PDE6C: variants seen among roughly 807,000 people sequenced by gnomAD.
The protein encoded by PDE6C is phosphodiesterase 6C.
A neutral mutation model predicts 113.1 loss-of-function variants in PDE6C; 75 were observed. The observed-to-expected ratio is 0.66, with a 90% CI of 0.55 to 0.80. The LOEUF is 0.80. Ranked by LOEUF, PDE6C falls within the 30% of genes least tolerant of loss-of-function variation. The pLI is 0.00. For missense variants in PDE6C, 912 were observed against 1,038.6 expected (o/e 0.88, Z 1.67); for synonymous variants, 375 against 363.7 (o/e 1.03, Z -0.35).
intron 14 of PDE6C, among the ~76,000 whole-genome samples, chr10:93,642,630 G>C (rs2058565280): frequency 6.6e-6 from 1 of 152,054 alleles, no homozygotes; most frequent in Admixed American, 6.6e-5. Context: ...TCTTGGTTGG[G>C]GGATCTTGGA....
chr10:93,655,894 A>C (rs879547360), intron 16 of PDE6C, 34 bp downstream of exon 16: 2 of 1,056,968 alleles, frequency 1.9e-6, no homozygotes, highest in Non-Finnish European at 3.0e-6. Flanking sequence ...GGAATGCCCT[A>C]TACTCTGTGT....
rs1346022909 is a variant in PDE6C, at chr10:93,635,505, A to G, written c.1278A>G (p.Thr426=). The change falls in exon 10 of 22, where the codon ACA becomes ACG. Residue 426 remains threonine, a synonymous_variant. Coordinates refer to ENST00000371447, the MANE Select transcript of PDE6C (RefSeq NM_006204.4). The part of the protein sequence containing the change: ...EHDEYITETL[T]QFLGWSLLNT... The stretch of plus-strand genomic sequence containing the variant: ...CCTTTTATCCATTTCAGACTCTCAC[A>G]CAATTTCTTGGATGGTCTCTTTTAA... 3.1e-6 allele frequency: 5 copies of G among 1,611,588 alleles called. No homozygotes were observed. In the African/African-American group the frequency reaches 5.3e-5, roughly 17 times the overall value.
Position 93,640,867 on chromosome 10 carries a change from G to A in PDE6C, c.1738-53G>A, listed in dbSNP as rs759747893. 3 of 1,139,636 alleles carry A rather than the reference G, an allele frequency of 2.6e-6. No homozygotes were observed. The Admixed American group carries it at 5.2e-5, about 20-fold the overall frequency. 70.6% of individuals were successfully genotyped at this position (1,139,636 alleles called of 1,614,324 possible). Reference sequence around the variant, plus strand: ...TATTGCAGGCTGCACTTGGTATAGAGGTATATTAATTCAAATAAATTATAG... The same window carrying A: ...TATTGCAGGCTGCACTTGGTATAGAAGTATATTAATTCAAATAAATTATAG... On this transcript the variant is annotated intron_variant, in intron 13 of 21. Coordinates refer to ENST00000371447, the MANE Select transcript of PDE6C (RefSeq NM_006204.4).
chr10:93,649,586 A>G (rs2422325), intron 15 of PDE6C, among the ~76,000 whole-genome samples: 70,526 of 151,990 alleles, frequency 0.46, 17,335 homozygotes, highest in Non-Finnish European at 0.54. Flanking sequence ...TGAAGTATAT[A>G]TACAATAAAC....
Position 93,665,341 on chromosome 10 carries a change from C to T in PDE6C, c.2519-19C>T. 2 of 1,591,324 alleles carry T rather than the reference C, an allele frequency of 1.3e-6. No individual in the cohort carries two copies. Among genetic ancestry groups the T allele is most frequent in the Non-Finnish European group, 1.7e-6 (2 of 1,159,500 alleles). The stretch of plus-strand genomic sequence containing the variant: ...TATCCACTAACTCCTAATAATATTG[C>T]TTTCCTTGATTTTACTAGCTGCTGA... On this transcript the variant is annotated intron_variant, in intron 21 of 21. Coordinates refer to ENST00000371447, the MANE Select transcript of PDE6C (RefSeq NM_006204.4).
At chr10:93,647,162 TAAG>T (rs2058588742) in intron 15 of PDE6C, among the ~76,000 whole-genome samples, 1 of 152,178 alleles carries the variant, frequency 6.6e-6, no homozygotes, top group Non-Finnish European at 1.5e-5. Flanking sequence ...TATACTTTCT[TAAG>T]AACGTTCCAA....
intron 14 of PDE6C, among the ~76,000 whole-genome samples, chr10:93,644,393 G>A (rs2058573359): frequency 6.6e-6 from 1 of 151,980 alleles, no homozygotes; most frequent in African/African-American, 2.4e-5. Flanking sequence ...CTAGAATTGA[G>A]CTTTTTCATT....
Position 93,650,067 on chromosome 10 carries a change from G to A in PDE6C, c.1935+4020G>A, listed in dbSNP as rs560621665. ...CCACTGTCCACTCCCAGCCCTAGGCGGCAACCTTTGAAATGTTTTCAGTTG... is the reference window on the plus strand; with the variant it reads ...CCACTGTCCACTCCCAGCCCTAGGCAGCAACCTTTGAAATGTTTTCAGTTG... On this transcript the variant is annotated intron_variant, in intron 15 of 21. Coordinates refer to ENST00000371447, the MANE Select transcript of PDE6C (RefSeq NM_006204.4). 5.9e-5 allele frequency among the ~76,000 whole-genome samples: 9 copies of A among 152,202 alleles called. No individual in the cohort carries two copies. The South Asian group carries it at 6.2e-4, about 11-fold the overall frequency.
At chr10:93,619,468 C>A (rs1006265222) in intron 1 of PDE6C, among the ~76,000 whole-genome samples, 1 of 151,814 alleles carries the variant, frequency 6.6e-6, no homozygotes, top group Non-Finnish European at 1.5e-5. Flanking sequence ...CTCTTGTTGC[C>A]CAGGCTGGAG....
chr10:93,664,956 C>T (rs2058683113), intron 21 of PDE6C, among the ~76,000 whole-genome samples: 1 of 152,182 alleles, frequency 6.6e-6, no homozygotes, highest in South Asian at 2.1e-4. Context: ...GCAACCTGTG[C>T]CTCCCAGATT....
intron 1 of PDE6C, among the ~76,000 whole-genome samples, chr10:93,618,366 A>AC (rs2058430026): frequency 6.6e-6 from 1 of 152,084 alleles, no homozygotes; most frequent in Admixed American, 6.6e-5. Context: ...TGGAAGCATT[A>AC]CCCCTATTTT....
intron 16 of PDE6C, among the ~76,000 whole-genome samples, chr10:93,657,365 G>A (rs1354063333): frequency 1.0e-5 from 1 of 97,998 alleles, no homozygotes; most frequent in African/African-American, 4.1e-5. Context: ...TTGTATTTTA[G>A]TAGAGATGGG....
chr10:93,649,482 G>A (rs1248030868), intron 15 of PDE6C, among the ~76,000 whole-genome samples: 7 of 152,156 alleles, frequency 4.6e-5, no homozygotes, highest in Non-Finnish European at 1.0e-4. Context: ...TCACCCTGTG[G>A]ATATACACAG....
intron 1 of PDE6C, among the ~76,000 whole-genome samples, chr10:93,614,186 A>G (rs2058408698): frequency 6.6e-6 from 1 of 152,208 alleles, no homozygotes; most frequent in Non-Finnish European, 1.5e-5. Flanking sequence ...AATGGGAACA[A>G]CTTGTGAAAT....
At chr10:93,654,767 TTTC>T (rs2058625451) in intron 15 of PDE6C, among the ~76,000 whole-genome samples, 2 of 44,842 alleles carry the variant, frequency 4.5e-5, no homozygotes, top group Admixed American at 2.5e-4. Context: ...TCTTTCTTTC[TTTC>T]TTTCTTTCTT....
intron 19 of PDE6C, 114 bp downstream of exon 19, chr10:93,662,247 G>A (rs2058668998): frequency 5.3e-6 from 4 of 753,902 alleles, no homozygotes; most frequent in South Asian, 1.4e-5. Flanking sequence ...GGCAGATCAC[G>A]AGGTCAAAAG....
At chr10:93,633,201 C>G (rs2058510123) in intron 8 of PDE6C, among the ~76,000 whole-genome samples, 1 of 152,158 alleles carries the variant, frequency 6.6e-6, no homozygotes, top group Non-Finnish European at 1.5e-5. Context: ...CATAGTGACT[C>G]ACGCCTGTAA....
intron 1 of PDE6C, among the ~76,000 whole-genome samples, chr10:93,616,581 A>G (rs978371780): frequency 2.0e-5 from 3 of 151,956 alleles, no homozygotes; most frequent in African/African-American, 7.2e-5. Context: ...GGCGTTTAGG[A>G]GCTGGATATG....
intron 5 of PDE6C, among the ~76,000 whole-genome samples, chr10:93,625,868 A>G (rs551396659): frequency 1.3e-5 from 2 of 152,206 alleles, no homozygotes; most frequent in African/African-American, 4.8e-5. Context: ...TTTTCTATAA[A>G]GCCAGGGCTT....
Sources: gnomAD v4.1 joint callset for allele counts (sites outside exome capture counted in the v4.1 genomes callset) on GRCh38, gnomAD v4.1.1 for gene constraint, MANE v1.5 for transcripts, NCBI Gene and HGNC (gene_info 2026-07-23, HGNC 2026-07-21) for gene names.